The following ANK2 variants were observed in gnomAD, a reference collection of about 807,000 sequenced individuals.
ANK2 encodes the protein ankyrin-2.
A neutral mutation model predicts 360.5 loss-of-function variants in ANK2; 83 were observed. The ratio of observed to expected loss-of-function variants is 0.23; its 90% confidence interval spans 0.19 to 0.28. The LOEUF is 0.28. ANK2 is among the 10% of genes least tolerant of loss of function. The pLI, the probability that ANK2 is intolerant of heterozygous loss-of-function variation, is 1.00. For missense variants in ANK2, 4,201 were observed against 4,795.7 expected, an observed-to-expected ratio of 0.88 and a Z score of 3.66; for synonymous variants, 1,740 against 1,759.5, an observed-to-expected ratio of 0.99 and a Z score of 0.28.
At chr4:113,240,651 C>A in intron 8 of ANK2, 68 bp downstream of exon 8, 1 of 1,350,790 alleles carries the variant, frequency 7.4e-7, no homozygotes, top group Non-Finnish European at 1.1e-6. Flanking sequence ...TAAAAAGGAA[C>A]ACCAATGGCT....
the ANK2 span, among the ~76,000 whole-genome samples, chr4:112,767,838 G>T: frequency 6.6e-6 from 1 of 152,092 alleles, no homozygotes; most frequent in African/African-American, 2.4e-5. Flanking sequence ...CCTCAAAAAG[G>T]CTGGGATTTC....
At chr4:113,323,924 T>C (rs531062513) in intron 26 of ANK2, 3 of 731,934 alleles carry the variant, frequency 4.1e-6, no homozygotes, top group South Asian at 6.7e-5. Context: ...GATAGAAAGA[T>C]TGATGTTCTC....
At chr4:113,082,660 T>C (rs72671592) in intron 1 of ANK2, among the ~76,000 whole-genome samples, 2,906 of 152,320 alleles carry the variant, frequency 0.019, 46 homozygotes, top group Non-Finnish European at 0.031. Flanking sequence ...GAAACATATG[T>C]GAGAGTATCC....
intron 1 of ANK2, among the ~76,000 whole-genome samples, chr4:113,164,796 G>A (rs1424289812): frequency 6.6e-6 from 1 of 152,202 alleles, no homozygotes; most frequent in Non-Finnish European, 1.5e-5. Flanking sequence ...TAATCCTTAA[G>A]TATTGCAGTG....
intron 2 of ANK2, among the ~76,000 whole-genome samples, chr4:112,957,702 C>T (rs868438615): frequency 6.7e-6 from 1 of 149,632 alleles, no homozygotes; most frequent in African/African-American, 2.5e-5. Context: ...GCTGACCCCC[C>T]CACCTCCCTC....
chr4:112,873,745 C>T (rs770717997), intron 1 of ANK2, among the ~76,000 whole-genome samples: 13 of 151,182 alleles, frequency 8.6e-5, no homozygotes, highest in Admixed American at 6.6e-5. Flanking sequence ...GGGGTTTCAC[C>T]GTGTTAGCCA....
At chr4:112,903,858 T>C (rs2084289969) in intron 1 of ANK2, among the ~76,000 whole-genome samples, 1 of 152,202 alleles carries the variant, frequency 6.6e-6, no homozygotes, top group Non-Finnish European at 1.5e-5. Context: ...TTAGTTTTTC[T>C]TACCTGTAAA....
chr4:112,867,323 T>C (rs936845678), intron 1 of ANK2, among the ~76,000 whole-genome samples: 1 of 152,102 alleles, frequency 6.6e-6, no homozygotes, highest in Non-Finnish European at 1.5e-5. Flanking sequence ...GTGAATACTC[T>C]TCACTTGTCA....
chr4:112,993,684 A>C (rs536651514), intron 2 of ANK2, among the ~76,000 whole-genome samples: 1 of 147,556 alleles, frequency 6.8e-6, no homozygotes, highest in South Asian at 2.2e-4. Flanking sequence ...CTTCAGGTGC[A>C]TAAAGCTTAC....
At chr4:113,279,855 C>A (rs2153705299) in intron 17 of ANK2, among the ~76,000 whole-genome samples, 1 of 152,050 alleles carries the variant, frequency 6.6e-6, no homozygotes, top group East Asian at 1.9e-4. Context: ...CCACACTGTT[C>A]TTACTCCTCT....
chr4:113,198,725 A>G (rs2098786378), intron 3 of ANK2, among the ~76,000 whole-genome samples: 1 of 152,110 alleles, frequency 6.6e-6, no homozygotes, highest in Admixed American at 6.5e-5. Context: ...TGAGATATTG[A>G]CACATACACA....
intron 1 of ANK2, among the ~76,000 whole-genome samples, chr4:113,063,685 A>G (rs1042468952): frequency 6.6e-6 from 1 of 152,184 alleles, no homozygotes; most frequent in African/African-American, 2.4e-5. Flanking sequence ...AAATTCAAAG[A>G]GCTGAATTAT....
At chr4:113,146,809 A>G (rs898588708) in intron 1 of ANK2, among the ~76,000 whole-genome samples, 3 of 152,174 alleles carry the variant, frequency 2.0e-5, no homozygotes, top group African/African-American at 7.2e-5. Flanking sequence ...ATGAAAATAA[A>G]TAGCTGGTTG....
chr4:112,829,068 G>A (rs1027329353), intron 1 of ANK2, among the ~76,000 whole-genome samples: 1 of 152,140 alleles, frequency 6.6e-6, no homozygotes, highest in Admixed American at 6.6e-5. Flanking sequence ...CATAAGAATC[G>A]CTTGAACCCA....
At chr4:112,834,764 T>C (rs2060634307) in intron 1 of ANK2, among the ~76,000 whole-genome samples, 2 of 152,208 alleles carry the variant, frequency 1.3e-5, no homozygotes, top group East Asian at 1.9e-4. Flanking sequence ...TCAAATTAGG[T>C]CCACATATGG....
intron 1 of ANK2, among the ~76,000 whole-genome samples, chr4:113,064,691 G>A (rs907589926): frequency 4.6e-5 from 7 of 152,110 alleles, no homozygotes; most frequent in African/African-American, 9.7e-5. Context: ...TTTTAAGATC[G>A]TTGTCATGAA....
intron 14 of ANK2, among the ~76,000 whole-genome samples, chr4:113,269,820 C>G (rs1346810450): frequency 6.6e-6 from 1 of 152,202 alleles, no homozygotes; most frequent in Non-Finnish European, 1.5e-5. Context: ...TCTTAACATT[C>G]TTTGATTCAA....
At chr4:113,348,155 G>T in intron 35 of ANK2, 121 bp from the exon 36 acceptor site, 2 of 948,246 alleles carry the variant, frequency 2.1e-6, no homozygotes, top group East Asian at 2.5e-5. Flanking sequence ...TATGTTGACT[G>T]TATGCTTGCC....
intron 26 of ANK2, among the ~76,000 whole-genome samples, chr4:113,324,805 T>C (rs1026832854): frequency 6.6e-6 from 1 of 152,164 alleles, no homozygotes; most frequent in Non-Finnish European, 1.5e-5. Context: ...GATGATTTTT[T>C]TTCCTGTTCT....
Sources: gnomAD v4.1 joint callset for allele counts (sites outside exome capture counted in the v4.1 genomes callset) on GRCh38, gnomAD v4.1.1 for gene constraint, MANE v1.5 for transcripts, NCBI Gene and HGNC (gene_info 2026-07-23, HGNC 2026-07-21) for gene names.